ZSCAN5A: variants seen among roughly 807,000 people sequenced by gnomAD.
ZSCAN5A encodes the protein zinc finger and SCAN domain containing 5A.
In ZSCAN5A, 12 loss-of-function variants were observed where a neutral mutation model predicts 23.7. That is an observed-to-expected ratio of 0.51 (90% CI 0.32 to 0.82). The LOEUF is 0.82. Ranked by LOEUF, ZSCAN5A falls within the 40% of genes least tolerant of loss-of-function variation. The probability of loss-of-function intolerance (pLI) is 0.03; values close to 1 mark genes in which losing one functional copy is unlikely to be tolerated. For missense variants in ZSCAN5A, 597 were observed against 617.9 expected (o/e 0.97, Z 0.36); for synonymous variants, 257 against 239.9 (o/e 1.07, Z -0.66).
rs1457976261 is a variant in ZSCAN5A at position 56,344,832 on chromosome 19, A to G, written c.-358+18403T>C. ...GCAGGAGAATGGCGTGAACCCGGGA[A>G]GCGGAGCTTGCAGTGAGCCGAGATT... On this transcript the variant is annotated intron_variant, in intron 2 of 6. Coordinates refer to the ZSCAN5A transcript ENST00000587340. Among the ~76,000 whole-genome samples the G allele has an allele frequency of 6.9e-5, 9 of 131,216 alleles. No homozygotes were observed. In the South Asian group the frequency reaches 1.1e-3, roughly 16 times the overall value. 86.1% of individuals were successfully genotyped at this position (131,216 alleles called of 152,430 possible).
intron 2 of ZSCAN5A, 81 bp downstream of exon 2, chr19:56,313,202 T>C (rs1277841020): frequency 7.0e-6 from 2 of 284,288 alleles, no homozygotes; most frequent in East Asian, 1.4e-4. Context: ...AGATGGAAGA[T>C]GTATTAGTCT....
At chr19:56,261,216 G>T (rs949473087) in intron 2 of ZSCAN5A, among the ~76,000 whole-genome samples, 33 of 146,370 alleles carry the variant, frequency 2.3e-4, no homozygotes, top group African/African-American at 7.4e-4. Flanking sequence ...AAAAAAAAAA[G>T]AAAAAAATAA....
At chr19:56,249,814 T>G (rs1212067773) in intron 2 of ZSCAN5A, among the ~76,000 whole-genome samples, 1 of 152,164 alleles carries the variant, frequency 6.6e-6, no homozygotes, top group Non-Finnish European at 1.5e-5. Context: ...TTGTCATGCC[T>G]CCCTAGGCTC....
chr19:56,342,051 T>C (rs2041597043), intron 2 of ZSCAN5A, among the ~76,000 whole-genome samples: 1 of 152,164 alleles, frequency 6.6e-6, no homozygotes, highest in Non-Finnish European at 1.5e-5. Context: ...GTATAAGTGT[T>C]TTCTTACATC....
Position 56,221,761 on chromosome 19 carries a change from T to C in ZSCAN5A, c.1305A>G (p.Thr435=). The change falls in exon 6 of 6, where the codon ACA becomes ACG. Residue 435 remains threonine (T), a synonymous_variant. Transcript: ENST00000683990. ...CTTTACATTCGAAGGGCTTCTCCCCTGTGTGGCTTCTCTTGTGACACTTCA... is the reference window on the plus strand; with the variant it reads ...CTTTACATTCGAAGGGCTTCTCCCCCGTGTGGCTTCTCTTGTGACACTTCA... ...SYLKCHKRSH[T]GEKPFECKDC... 6.2e-7 allele frequency: 1 copy of C among 1,614,208 alleles called. No individual in the cohort carries two copies. The highest frequency in any genetic ancestry group is 2.2e-5 in the East Asian group (1 of 44,888).
chr19:56,325,229 C>T (rs905663596), intron 2 of ZSCAN5A, among the ~76,000 whole-genome samples: 1 of 152,172 alleles, frequency 6.6e-6, no homozygotes, highest in East Asian at 1.9e-4. Flanking sequence ...TTGCCATTTA[C>T]GTGGGATAAA....
chr19:56,359,569 T>C (rs79751333), intron 2 of ZSCAN5A, among the ~76,000 whole-genome samples: 2 of 152,208 alleles, frequency 1.3e-5, no homozygotes, highest in African/African-American at 4.8e-5. Context: ...CCTCCTTAAC[T>C]CATTTTATGA....
At chr19:56,262,219 A>G (rs2037173629) in intron 2 of ZSCAN5A, among the ~76,000 whole-genome samples, 1 of 152,026 alleles carries the variant, frequency 6.6e-6, no homozygotes, top group Admixed American at 6.5e-5. Flanking sequence ...AGGTTTCACC[A>G]TGTTGGCCAG....
intron 2 of ZSCAN5A, among the ~76,000 whole-genome samples, chr19:56,248,420 A>G (rs1021314326): frequency 2.6e-5 from 4 of 152,044 alleles, no homozygotes; most frequent in African/African-American, 9.6e-5. Context: ...ACACCATGTC[A>G]GCTAATTTTT....
intron 2 of ZSCAN5A, among the ~76,000 whole-genome samples, chr19:56,255,379 A>T (rs2036625491): frequency 6.6e-6 from 1 of 152,060 alleles, no homozygotes; most frequent in Non-Finnish European, 1.5e-5. Context: ...GGTAGGGAAG[A>T]CTTTGCCCAG....
chr19:56,289,580 C>T (rs941465122), intron 2 of ZSCAN5A, among the ~76,000 whole-genome samples: 2 of 152,172 alleles, frequency 1.3e-5, no homozygotes, highest in Non-Finnish European at 2.9e-5. Flanking sequence ...TTGGACCACA[C>T]AAATGTTTCT....
chr19:56,301,933 C>A, intron 2 of ZSCAN5A: 7 of 1,231,968 alleles, frequency 5.7e-6, no homozygotes, highest in Non-Finnish European at 7.1e-6. Context: ...GAAGGGAAGG[C>A]CATCAGCATC....
At chr19:56,348,808 G>T (rs2041650194) in intron 2 of ZSCAN5A, among the ~76,000 whole-genome samples, 1 of 152,188 alleles carries the variant, frequency 6.6e-6, no homozygotes, top group South Asian at 2.1e-4. Flanking sequence ...AAACAAGGTA[G>T]CCGAAAGAAA....
intron 2 of ZSCAN5A, among the ~76,000 whole-genome samples, chr19:56,337,317 C>T (rs1476750723): frequency 1.3e-5 from 2 of 152,202 alleles, no homozygotes; most frequent in East Asian, 1.9e-4. Context: ...TGCTGCCTTG[C>T]AGTTTGATCT....
chr19:56,275,653 G>A (rs2038193129), intron 2 of ZSCAN5A, among the ~76,000 whole-genome samples: 1 of 152,126 alleles, frequency 6.6e-6, no homozygotes, highest in Non-Finnish European at 1.5e-5. Flanking sequence ...ATTCTTTTTT[G>A]AACAGGCTAA....
At chr19:56,329,068 G>C (rs537920506) in intron 2 of ZSCAN5A, among the ~76,000 whole-genome samples, 2 of 152,016 alleles carry the variant, frequency 1.3e-5, no homozygotes, top group South Asian at 2.1e-4. Flanking sequence ...TTTGACCTTG[G>C]CTGGGCATGG....
chr19:56,323,908 A>G (rs1356991429), intron 2 of ZSCAN5A, among the ~76,000 whole-genome samples: 2 of 152,076 alleles, frequency 1.3e-5, no homozygotes, highest in Non-Finnish European at 2.9e-5. Context: ...TGATGCATGC[A>G]TACAATGTCT....
chr19:56,314,574 C>A (rs995210059), intron 1 of ZSCAN5A, 107 bp downstream of exon 1: 1 of 152,340 alleles, frequency 6.6e-6, no homozygotes, highest in East Asian at 1.9e-4. Context: ...CCCCTCCTCC[C>A]ACGTCCCCGC....
intron 2 of ZSCAN5A, among the ~76,000 whole-genome samples, chr19:56,353,294 A>G (rs2041679145): frequency 6.6e-6 from 1 of 152,152 alleles, no homozygotes; most frequent in Middle Eastern, 3.2e-3. Flanking sequence ...AAGGTGGGAA[A>G]ATGGGAGTGA....
Sources: gnomAD v4.1 joint callset for allele counts (sites outside exome capture counted in the v4.1 genomes callset) on GRCh38, gnomAD v4.1.1 for gene constraint, MANE v1.5 for transcripts, NCBI Gene and HGNC (gene_info 2026-07-23, HGNC 2026-07-21) for gene names.